Variants in KIF5C observed in about 807,000 individuals in gnomAD.
KIF5C encodes the protein kinesin heavy chain isoform 5C.
A neutral mutation model predicts 125.2 loss-of-function variants in KIF5C; 18 were observed. The ratio of observed to expected loss-of-function variants is 0.14; its 90% CI spans 0.10 to 0.21. KIF5C has a LOEUF of 0.21. KIF5C is among the 10% of genes least tolerant of loss of function. KIF5C has a pLI of 1.00. For missense variants in KIF5C, 780 were observed against 1,183.8 expected, an observed-to-expected ratio of 0.66 and a Z score of 5.01; for synonymous variants, 405 against 434.0, an observed-to-expected ratio of 0.93 and a Z score of 0.83.
At chr2:148,976,404 G>A (rs1385790399) in intron 12 of KIF5C, among the ~76,000 whole-genome samples, 1 of 151,784 alleles carries the variant, frequency 6.6e-6, no homozygotes, top group African/African-American at 2.4e-5. Flanking sequence ...TGAGTAGCTG[G>A]GACTACAGGC....
At chr2:148,930,110 C>T (rs548317652) in intron 3 of KIF5C, among the ~76,000 whole-genome samples, 104 of 152,270 alleles carry the variant, frequency 6.8e-4, no homozygotes, top group African/African-American at 2.3e-3. Flanking sequence ...GGGCTGGACT[C>T]TCCATTGTAC....
At chr2:148,961,664 G>T (rs1410603552) in intron 10 of KIF5C, among the ~76,000 whole-genome samples, 5 of 152,164 alleles carry the variant, frequency 3.3e-5, no homozygotes, top group East Asian at 3.8e-4. Flanking sequence ...CATAAGGATG[G>T]CTGAGAACAC....
intron 1 of KIF5C, among the ~76,000 whole-genome samples, chr2:148,907,311 G>A (rs1438061438): frequency 6.6e-6 from 1 of 152,192 alleles, no homozygotes; most frequent in Non-Finnish European, 1.5e-5. Context: ...TGAGGATATG[G>A]CCTGTGAAGG....
At chr2:148,983,283 T>C (rs1377616925) in intron 14 of KIF5C, among the ~76,000 whole-genome samples, 3 of 152,162 alleles carry the variant, frequency 2.0e-5, no homozygotes, top group African/African-American at 7.2e-5. Flanking sequence ...ATGAAACAGA[T>C]AGGACTGACA....
rs1291604888 is a variant in KIF5C at position 148,959,815 on chromosome 2, G to C, written c.969-2156G>C. On this transcript the variant is annotated intron_variant, in intron 10 of 25. Transcript: ENST00000435030. The stretch of plus-strand genomic sequence containing the variant: ...CAGGCGATCAGAAGGAGAGAAGAGC[G>C]TGAGGTCCGGGTATTTATTTCCTGG... 2.0e-5 allele frequency among the ~76,000 whole-genome samples: 3 copies of C among 152,306 alleles called. No individual in the cohort carries two copies. In the South Asian group the frequency reaches 6.2e-4, roughly 32 times the overall value.
At chr2:149,008,366 C>T (rs1296601059) in intron 23 of KIF5C, among the ~76,000 whole-genome samples, 1 of 152,208 alleles carries the variant, frequency 6.6e-6, no homozygotes, top group Non-Finnish European at 1.5e-5. Flanking sequence ...CCACCCCTGA[C>T]TTTGGACACC....
intron 3 of KIF5C, among the ~76,000 whole-genome samples, chr2:148,933,662 C>G (rs1181143444): frequency 6.6e-6 from 1 of 151,572 alleles, no homozygotes; most frequent in Non-Finnish European, 1.5e-5. Flanking sequence ...TACACACACA[C>G]AGACATATGC....
intron 13 of KIF5C, 79 bp downstream of exon 13, chr2:148,979,069 A>G (rs954195296): frequency 1.6e-5 from 22 of 1,401,082 alleles, no homozygotes; most frequent in African/African-American, 5.9e-5. Context: ...CAGGAATTTA[A>G]TTGGCATAGA....
At chr2:148,988,717 C>T (rs2105169307) in intron 15 of KIF5C, among the ~76,000 whole-genome samples, 1 of 152,338 alleles carries the variant, frequency 6.6e-6, no homozygotes, top group East Asian at 1.9e-4. Flanking sequence ...AGAACACACT[C>T]AACTTAAAGA....
intron 25 of KIF5C, 40 bp downstream of exon 25, chr2:149,011,723 A>C: frequency 6.2e-7 from 1 of 1,612,710 alleles, no homozygotes; most frequent in Non-Finnish European, 8.5e-7. Flanking sequence ...ATCTGGAGGC[A>C]GAGGCTTCTT....
chr2:148,971,290 G>GTTTA (rs1680896350), intron 11 of KIF5C, among the ~76,000 whole-genome samples: 1 of 137,222 alleles, frequency 7.3e-6, no homozygotes, highest in African/African-American at 2.8e-5. Context: ...CTGTCTGTCT[G>GTTTA]TCTATCTATC....
intron 1 of KIF5C, among the ~76,000 whole-genome samples, chr2:148,880,733 C>G (rs1681324273): frequency 6.6e-6 from 1 of 152,136 alleles, no homozygotes; most frequent in African/African-American, 2.4e-5. Flanking sequence ...GCCCTAAATT[C>G]AGAGATGTTT....
intron 16 of KIF5C, among the ~76,000 whole-genome samples, chr2:148,993,235 C>T (rs1027615205): frequency 2.0e-5 from 3 of 152,112 alleles, no homozygotes; most frequent in African/African-American, 7.2e-5. Flanking sequence ...CAGAGGAGGG[C>T]CCAGTGGGGT....
chr2:148,975,653 T>G (rs1681040655), intron 12 of KIF5C, among the ~76,000 whole-genome samples: 1 of 152,214 alleles, frequency 6.6e-6, no homozygotes, highest in South Asian at 2.1e-4. Context: ...TGTTCCTCCG[T>G]GCTGCCCCGC....
chr2:149,003,294 G>A (rs1011173126), intron 21 of KIF5C, among the ~76,000 whole-genome samples: 3 of 152,258 alleles, frequency 2.0e-5, no homozygotes, highest in Admixed American at 2.0e-4. Context: ...GTTTGGGTGA[G>A]GTGGGCGGAG....
At chr2:148,881,472 T>G (rs1209571005) in intron 1 of KIF5C, among the ~76,000 whole-genome samples, 1 of 152,114 alleles carries the variant, frequency 6.6e-6, no homozygotes, top group Non-Finnish European at 1.5e-5. Context: ...AGTTGTGTAA[T>G]TGCTTAGTAA....
intron 11 of KIF5C, among the ~76,000 whole-genome samples, chr2:148,970,112 TTTGA>T (rs1307331096): frequency 3.9e-5 from 6 of 152,186 alleles, no homozygotes; most frequent in Non-Finnish European, 7.3e-5. Context: ...ATGTTAATGC[TTTGA>T]TTGAGAGAAT....
chr2:148,973,746 C>G (rs1680983635), intron 12 of KIF5C, among the ~76,000 whole-genome samples: 1 of 152,074 alleles, frequency 6.6e-6, no homozygotes, highest in Admixed American at 6.6e-5. Context: ...CAGGCGGGTG[C>G]TATTTAGAGT....
intron 1 of KIF5C, among the ~76,000 whole-genome samples, chr2:148,892,344 G>C (rs566489993): frequency 2.2e-4 from 33 of 152,310 alleles, no homozygotes; most frequent in Admixed American, 1.4e-3. Context: ...CCTCTTGGAG[G>C]CTGCCTCTTT....
Sources: allele counts gnomAD v4.1 joint callset (sites outside exome capture counted in the v4.1 genomes callset), GRCh38; gene constraint gnomAD v4.1.1; transcripts MANE v1.5; gene names NCBI Gene and HGNC (gene_info 2026-07-23, HGNC 2026-07-21).